Variants in RAB38 observed in about 807,000 individuals in gnomAD.
RAB38 encodes the protein ras-related protein Rab-38.
RAB38 carries 15 observed loss-of-function variants against 18.4 expected under a neutral mutation model. That is an observed-to-expected ratio of 0.82 (90% CI 0.55 to 1.26). The LOEUF (loss-of-function observed/expected upper bound fraction) is 1.26, where lower values mean the gene tolerates loss of function less well. Among genes scored for constraint, RAB38 ranks in the 50% most tolerant of loss-of-function variants. The probability of loss-of-function intolerance (pLI) is 0.00; values close to 1 mark genes in which losing one functional copy is unlikely to be tolerated. For synonymous variants in RAB38, 101 were observed against 104.4 expected, an observed-to-expected ratio of 0.97 and a Z score of 0.20; for missense variants, 294 against 267.4, an observed-to-expected ratio of 1.10 and a Z score of -0.69.
the RAB38 span, among the ~76,000 whole-genome samples, chr11:88,007,654 T>G: frequency 6.6e-6 from 1 of 152,032 alleles, no homozygotes; most frequent in Admixed American, 6.6e-5. Flanking sequence ...AAGCATAAGG[T>G]GATACAACTA....
the RAB38 span, among the ~76,000 whole-genome samples, chr11:87,892,907 C>G: frequency 6.6e-6 from 1 of 151,652 alleles, no homozygotes; most frequent in Non-Finnish European, 1.5e-5. Context: ...TATCATATTA[C>G]CTTTTTCATA....
intron 2 of RAB38, among the ~76,000 whole-genome samples, 187 bp from the exon 3 acceptor site, chr11:88,114,327 G>C (rs1474099576): frequency 6.6e-6 from 1 of 152,132 alleles, no homozygotes; most frequent in Non-Finnish European, 1.5e-5. Context: ...CAAAAAAGAA[G>C]TATTTATTTT....
the RAB38 span, among the ~76,000 whole-genome samples, chr11:87,804,508 A>C: frequency 1.3e-5 from 2 of 151,886 alleles, no homozygotes; most frequent in African/African-American, 4.8e-5. Flanking sequence ...GATTTTATAC[A>C]ACCCTGTGAG....
At chr11:87,831,357 C>T in the RAB38 span, among the ~76,000 whole-genome samples, 15 of 152,254 alleles carry the variant, frequency 9.9e-5, no homozygotes, top group South Asian at 2.7e-3. Context: ...TCTGTCACTT[C>T]AGAGGCATGC....
chr11:88,121,473 A>G (rs1411073365), intron 2 of RAB38, among the ~76,000 whole-genome samples: 1 of 152,228 alleles, frequency 6.6e-6, no homozygotes, highest in Non-Finnish European at 1.5e-5. Flanking sequence ...CTGGTTTTGC[A>G]GCCCATGTTC....
chr11:87,862,458 T>C, the RAB38 span, among the ~76,000 whole-genome samples: 2 of 151,804 alleles, frequency 1.3e-5, no homozygotes, highest in East Asian at 1.9e-4. Flanking sequence ...AGCTAAATTA[T>C]GAGAACACAT....
At chr11:87,820,062 A>G in the RAB38 span, among the ~76,000 whole-genome samples, 1 of 152,178 alleles carries the variant, frequency 6.6e-6, no homozygotes, top group Admixed American at 6.5e-5. Flanking sequence ...TACATTATTA[A>G]TAAGCTCTCA....
At chr11:88,035,731 C>T in the RAB38 span, among the ~76,000 whole-genome samples, 1 of 152,204 alleles carries the variant, frequency 6.6e-6, no homozygotes, top group Non-Finnish European at 1.5e-5. Context: ...GCGTCTTGAA[C>T]TCCAATTTTT....
At chr11:88,055,777 A>G in the RAB38 span, among the ~76,000 whole-genome samples, 1 of 152,230 alleles carries the variant, frequency 6.6e-6, no homozygotes, top group Non-Finnish European at 1.5e-5. Flanking sequence ...AAGATGAACA[A>G]GGCAGCAAAT....
chr11:87,865,580 C>A, the RAB38 span, among the ~76,000 whole-genome samples: 1 of 151,574 alleles, frequency 6.6e-6, no homozygotes, highest in Non-Finnish European at 1.5e-5. Flanking sequence ...GACTTCAAAA[C>A]CGTGAGATGA....
At chr11:87,927,255 C>T in the RAB38 span, among the ~76,000 whole-genome samples, 1 of 151,900 alleles carries the variant, frequency 6.6e-6, no homozygotes, top group Non-Finnish European at 1.5e-5. Flanking sequence ...ATTCCTACAC[C>T]CCAGTATTCA....
the RAB38 span, among the ~76,000 whole-genome samples, chr11:87,814,686 G>A: frequency 0.049 from 7,480 of 151,902 alleles, 281 homozygotes; most frequent in South Asian, 0.075. Context: ...CCAGAGCATT[G>A]AATTATACTA....
the RAB38 span, among the ~76,000 whole-genome samples, chr11:87,971,259 G>A: frequency 6.6e-6 from 1 of 152,106 alleles, no homozygotes; most frequent in South Asian, 2.1e-4. Flanking sequence ...GGCAGAGAAG[G>A]GGGAGGCAAG....
the RAB38 span, among the ~76,000 whole-genome samples, chr11:88,029,779 T>C: frequency 6.6e-6 from 1 of 152,022 alleles, no homozygotes; most frequent in South Asian, 2.1e-4. Context: ...ACATTAATAA[T>C]GGGAGACTTT....
chr11:88,012,006 A>G, the RAB38 span, among the ~76,000 whole-genome samples: 294 of 152,242 alleles, frequency 1.9e-3, 1 homozygote, highest in Non-Finnish European at 2.9e-3. Context: ...CCCTTCCTTA[A>G]GTTGTCTCAA....
At chr11:87,967,771 A>G in the RAB38 span, among the ~76,000 whole-genome samples, 2 of 152,182 alleles carry the variant, frequency 1.3e-5, no homozygotes, top group African/African-American at 4.8e-5. Flanking sequence ...GAGTGAGCTC[A>G]TCTCAGTTTC....
At chr11:88,019,303 T>C in the RAB38 span, among the ~76,000 whole-genome samples, 1 of 152,146 alleles carries the variant, frequency 6.6e-6, no homozygotes, top group Non-Finnish European at 1.5e-5. Context: ...GAGTCATCTA[T>C]GACTTTTTTT....
chr11:87,912,261 G>A, the RAB38 span, among the ~76,000 whole-genome samples: 1 of 151,924 alleles, frequency 6.6e-6, no homozygotes, highest in African/African-American at 2.4e-5. Context: ...TTCTGAAATA[G>A]TTTGTTTAGA....
the RAB38 span, among the ~76,000 whole-genome samples, chr11:87,850,322 C>T: frequency 6.6e-6 from 1 of 152,258 alleles, no homozygotes; most frequent in African/African-American, 2.4e-5. Flanking sequence ...AACATACACA[C>T]ATATGTACAC....
Sources: gnomAD v4.1 joint callset for allele counts (sites outside exome capture counted in the v4.1 genomes callset) on GRCh38, gnomAD v4.1.1 for gene constraint, MANE v1.5 for transcripts, NCBI Gene and HGNC (gene_info 2026-07-23, HGNC 2026-07-21) for gene names.